MDGA2: variants seen among roughly 807,000 people sequenced by gnomAD.
MDGA2 encodes the protein MAM domain containing glycosylphosphatidylinositol anchor 2, also known as MAM domain-containing glycosylphosphatidylinositol anchor protein 2.
In MDGA2, 40 loss-of-function variants were observed where a neutral mutation model predicts 117.8. The ratio of observed to expected loss-of-function variants is 0.34; its 90% confidence interval spans 0.26 to 0.44. The LOEUF (loss-of-function observed/expected upper bound fraction) is 0.44, where lower values mean the gene tolerates loss of function less well. Among genes scored for constraint, MDGA2 ranks in the 20% least tolerant of loss-of-function variants. MDGA2 has a pLI of 1.00. For missense variants in MDGA2, 1,123 were observed against 1,250.6 expected (o/e 0.90, Z 1.54); for synonymous variants, 452 against 439.0 (o/e 1.03, Z -0.37).
At chr14:47,210,428 C>G (rs372514004) in intron 3 of MDGA2, among the ~76,000 whole-genome samples, 127 of 152,210 alleles carry the variant, frequency 8.3e-4, no homozygotes, top group African/African-American at 2.8e-3. Context: ...AGTCATATGG[C>G]CTCTATTACC....
At chr14:47,285,985 C>A (rs1037105497) in intron 2 of MDGA2, among the ~76,000 whole-genome samples, 1 of 151,832 alleles carries the variant, frequency 6.6e-6, no homozygotes, top group African/African-American at 2.4e-5. Context: ...TATTTGAGAC[C>A]TACTACGTGT....
intron 2 of MDGA2, among the ~76,000 whole-genome samples, chr14:47,228,158 T>C (rs1886571665): frequency 6.6e-6 from 1 of 152,124 alleles, no homozygotes; most frequent in Non-Finnish European, 1.5e-5. Context: ...CTAGTATTTA[T>C]CTTAGTTATA....
chr14:46,872,870 A>G (rs1385817537), intron 14 of MDGA2, among the ~76,000 whole-genome samples: 2 of 151,852 alleles, frequency 1.3e-5, no homozygotes, highest in African/African-American at 4.8e-5. Context: ...TGTGCATCTG[A>G]TCTTATCCTC....
intron 1 of MDGA2, among the ~76,000 whole-genome samples, chr14:47,382,779 T>C (rs1023701250): frequency 3.9e-5 from 6 of 152,172 alleles, no homozygotes; most frequent in Non-Finnish European, 7.3e-5. Flanking sequence ...GTTCAACCAT[T>C]GTAGAAGACA....
At chr14:46,880,240 A>G (rs1337904021) in intron 11 of MDGA2, among the ~76,000 whole-genome samples, 5 of 151,860 alleles carry the variant, frequency 3.3e-5, no homozygotes. Flanking sequence ...CAGGAGATTC[A>G]CTTGAACTCA....
chr14:47,577,254 T>C (rs531735525), intron 1 of MDGA2, among the ~76,000 whole-genome samples: 5 of 152,100 alleles, frequency 3.3e-5, no homozygotes, highest in Non-Finnish European at 7.4e-5. Context: ...CTGAATCCCT[T>C]CCTTACACCT....
At chr14:47,642,554 A>T (rs1426660934) in intron 1 of MDGA2, among the ~76,000 whole-genome samples, 1 of 152,066 alleles carries the variant, frequency 6.6e-6, no homozygotes. Flanking sequence ...TGCTTGGCAA[A>T]CACTGCTTCA....
At chr14:47,505,157 A>G (rs1396502804) in intron 1 of MDGA2, among the ~76,000 whole-genome samples, 1 of 152,132 alleles carries the variant, frequency 6.6e-6, no homozygotes, top group African/African-American at 2.4e-5. Flanking sequence ...AAAAAAGAAA[A>G]AGTGGACATC....
intron 9 of MDGA2, among the ~76,000 whole-genome samples, chr14:46,939,297 T>C: frequency 6.6e-6 from 1 of 152,176 alleles, no homozygotes; most frequent in East Asian, 1.9e-4. Flanking sequence ...TAATAAATGT[T>C]TGAGATAGTA....
intron 14 of MDGA2, among the ~76,000 whole-genome samples, chr14:46,856,930 C>T (rs1247611020): frequency 6.6e-6 from 1 of 152,082 alleles, no homozygotes; most frequent in Non-Finnish European, 1.5e-5. Context: ...TTTACTTCTT[C>T]ATATCTACAA....
intron 1 of MDGA2, among the ~76,000 whole-genome samples, chr14:47,374,831 C>T: frequency 6.6e-6 from 1 of 151,956 alleles, no homozygotes; most frequent in East Asian, 1.9e-4. Flanking sequence ...TATAACCAAA[C>T]TAACTTATTA....
chr14:47,674,627 C>A lies in MDGA2; in HGVS notation c.170G>T (p.Arg57Leu). 6.5e-7 allele frequency: 1 copy of A among 1,533,662 alleles called. No individual in the cohort carries two copies. The highest frequency in any genetic ancestry group is 2.0e-5 in the Admixed American group (1 of 50,786). ...ATGAACATATCCAGCCCAGGGGGTACGCAACGGGACCTTCAGGAGGCCGGC... is the reference window on the plus strand; with the variant it reads ...ATGAACATATCCAGCCCAGGGGGTAAGCAACGGGACCTTCAGGAGGCCGGC... ...LAAGLLKVPL[R>L]TPWAGYVHVH... Residue 57 changes from arginine (R) to leucine (L), a missense_variant, in exon 1 of 17, where the codon CGT becomes CTT. Coordinates refer to ENST00000399232, the MANE Select transcript of MDGA2 (RefSeq NM_001113498.3).
intron 2 of MDGA2, among the ~76,000 whole-genome samples, chr14:47,232,523 C>G (rs375004096): frequency 1.3e-5 from 2 of 151,952 alleles, no homozygotes; most frequent in Non-Finnish European, 2.9e-5. Flanking sequence ...GCAATTGAAC[C>G]CTGACTGATA....
chr14:46,941,779 A>T (rs1954235), intron 9 of MDGA2, among the ~76,000 whole-genome samples: 6,004 of 152,296 alleles, frequency 0.039, 197 homozygotes, highest in Admixed American at 0.094. Context: ...GTGTCAGTAC[A>T]TATTAGAAAG....
Position 47,665,767 on chromosome 14 carries a change from C to T in MDGA2, c.280+8750G>A, listed in dbSNP as rs573529899. Among the ~76,000 whole-genome samples, 273 of 151,488 alleles carry T rather than the reference C, an allele frequency of 1.8e-3. 1 individual carries two copies. The highest frequency in any genetic ancestry group is 3.2e-3 in the Non-Finnish European group (216 of 67,752). The stretch of plus-strand genomic sequence containing the variant: ...TTGTCCAGCCTTAGCTGCCTCCCTG[C>T]GGGGCAGGGCTCGGGACTAGCAGCC... On this transcript the variant is annotated intron_variant, in intron 1 of 16. Transcript: ENST00000399232.
At chr14:47,102,366 AACACACAC>A (rs3039394) in intron 5 of MDGA2, among the ~76,000 whole-genome samples, 2,621 of 148,360 alleles carry the variant, frequency 0.018, 77 homozygotes, top group African/African-American at 0.061. Flanking sequence ...AGGAAGGAGA[AACACACAC>A]ACACACACAC....
In MDGA2 at chr14:47,462,375, C is replaced by CAAAA. The variant is rs373508880; in HGVS notation, c.281-160829_281-160826dup. Among the ~76,000 whole-genome samples the CAAAA allele has an allele frequency of 3.9e-4, 37 of 96,000 alleles. 1 individual carries two copies. Among genetic ancestry groups the CAAAA allele is most frequent in the East Asian group, 2.5e-3 (10 of 3,980 alleles). The allele number at this position is 96,000 out of a possible 152,430, so 63.0% of individuals were successfully genotyped here. A position where few individuals can be genotyped will look rare whatever the true frequency, so the allele number is the denominator to read the frequency against. On this transcript the variant is annotated intron_variant, in intron 1 of 16. Coordinates refer to ENST00000399232, the MANE Select transcript of MDGA2 (RefSeq NM_001113498.3). ...TGGGCGACAGAGAGAGACTCCGTCCCAAAAAAAAAAAAAAAAAGAAAGAAA... is the reference window on the plus strand; with the variant it reads ...TGGGCGACAGAGAGAGACTCCGTCCCAAAAAAAAAAAAAAAAAAAAAGAAAGAAA...
At chr14:47,187,255 T>C (rs187399779) in intron 3 of MDGA2, among the ~76,000 whole-genome samples, 1 of 152,124 alleles carries the variant, frequency 6.6e-6, no homozygotes, top group Admixed American at 6.6e-5. Flanking sequence ...CCAGCAACAC[T>C]TAATATATAC....
At chr14:46,959,609 C>A (rs974265027) in intron 8 of MDGA2, among the ~76,000 whole-genome samples, 1 of 151,730 alleles carries the variant, frequency 6.6e-6, no homozygotes, top group South Asian at 2.1e-4. Context: ...TATTTTATTA[C>A]ATTTTTGTAT....
Sources: allele counts gnomAD v4.1 joint callset (sites outside exome capture counted in the v4.1 genomes callset), GRCh38; gene constraint gnomAD v4.1.1; transcripts MANE v1.5; gene names NCBI Gene and HGNC (gene_info 2026-07-23, HGNC 2026-07-21).